Variants in DLC1 observed in about 807,000 individuals in gnomAD.
DLC1 encodes the protein DLC1 Rho GTPase activating protein.
In DLC1, 54 loss-of-function variants were observed where a neutral mutation model predicts 140.3. The ratio of observed to expected loss-of-function variants is 0.38; its 90% CI spans 0.31 to 0.48. DLC1 has a LOEUF of 0.48. Ranked by LOEUF, DLC1 falls within the 20% of genes least tolerant of loss-of-function variation. The pLI, the probability that DLC1 is intolerant of heterozygous loss-of-function variation, is 0.96. For missense variants in DLC1, 2,536 were observed against 1,907.0 expected, an observed-to-expected ratio of 1.33 and a Z score of -6.14; for synonymous variants, 986 against 728.1, an observed-to-expected ratio of 1.35 and a Z score of -5.70.
At chr8:13,306,515 G>A (rs1003426000) in intron 4 of DLC1, among the ~76,000 whole-genome samples, 1 of 151,696 alleles carries the variant, frequency 6.6e-6, no homozygotes, top group African/African-American at 2.4e-5. Context: ...CAGAGTTGAA[G>A]TAAGAAAAGC....
chr8:13,221,724 G>A (rs2697748), intron 5 of DLC1, among the ~76,000 whole-genome samples: 51,502 of 131,740 alleles, frequency 0.39, 10,442 homozygotes, highest in East Asian at 0.8. Flanking sequence ...GTGTGTGTGT[G>A]TGTATATATA....
intron 5 of DLC1, among the ~76,000 whole-genome samples, chr8:13,173,371 T>TCC (rs1405646091): frequency 9.0e-6 from 1 of 110,776 alleles, no homozygotes; most frequent in Admixed American, 8.3e-5. Context: ...CTGCCCTCTT[T>TCC]TTTTTTTTTT....
intron 5 of DLC1, among the ~76,000 whole-genome samples, chr8:13,207,527 T>G (rs543871813): frequency 2.6e-5 from 4 of 152,206 alleles, no homozygotes; most frequent in Non-Finnish European, 4.4e-5. Flanking sequence ...TAAAAGTTAT[T>G]CATTATAACA....
chr8:13,305,359 C>T, intron 4 of DLC1, 57 bp from the exon 5 acceptor site: 1 of 1,501,012 alleles, frequency 6.7e-7, no homozygotes, highest in Non-Finnish European at 9.0e-7. Context: ...CAGAAAGCAT[C>T]ATTAGAAATA....
chr8:13,416,901 A>G (rs1006516123), intron 2 of DLC1, among the ~76,000 whole-genome samples: 2 of 151,954 alleles, frequency 1.3e-5, no homozygotes, highest in African/African-American at 2.4e-5. Flanking sequence ...TTTTTTCACT[A>G]CCTCTATCCC....
intron 5 of DLC1, among the ~76,000 whole-genome samples, chr8:13,203,623 G>C (rs1236669893): frequency 1.3e-5 from 2 of 152,198 alleles, no homozygotes; most frequent in Non-Finnish European, 2.9e-5. Context: ...CTCTCTTCTT[G>C]TCAGTTTTCT....
At chr8:13,223,776 T>G (rs1340867255) in intron 5 of DLC1, among the ~76,000 whole-genome samples, 2 of 152,214 alleles carry the variant, frequency 1.3e-5, no homozygotes, top group African/African-American at 4.8e-5. Flanking sequence ...ACAATTTATT[T>G]TAGCTTTAAA....
intron 4 of DLC1, among the ~76,000 whole-genome samples, chr8:13,348,921 A>T (rs1477521543): frequency 1.3e-5 from 2 of 152,266 alleles, no homozygotes; most frequent in South Asian, 2.1e-4. Flanking sequence ...ATATTCTTTG[A>T]GCTGGAAAAC....
intron 2 of DLC1, among the ~76,000 whole-genome samples, chr8:13,459,547 C>T (rs1184007485): frequency 6.6e-6 from 1 of 152,134 alleles, no homozygotes; most frequent in Non-Finnish European, 1.5e-5. Context: ...TCTCTCTGTT[C>T]ATTGGAACTG....
chr8:13,362,505 C>A (rs775644132), intron 4 of DLC1, among the ~76,000 whole-genome samples: 16 of 151,950 alleles, frequency 1.1e-4, no homozygotes, highest in Non-Finnish European at 1.6e-4. Context: ...GTCGGTTAAC[C>A]TTTCCTGCCT....
chr8:13,203,108 C>T (rs1827485529), intron 5 of DLC1, among the ~76,000 whole-genome samples: 1 of 152,188 alleles, frequency 6.6e-6, no homozygotes, highest in Non-Finnish European at 1.5e-5. Flanking sequence ...TAACCTTGCA[C>T]ACTTTACCTA....
At chr8:13,285,927 A>T (rs558355929) in intron 5 of DLC1, among the ~76,000 whole-genome samples, 1 of 152,306 alleles carries the variant, frequency 6.6e-6, no homozygotes, top group South Asian at 2.1e-4. Context: ...TGAATGTGGG[A>T]TGAGATTAAC....
upstream of DLC1, among the ~76,000 whole-genome samples, chr8:13,516,444 A>G (rs1417830785): frequency 6.6e-6 from 1 of 152,206 alleles, no homozygotes; most frequent in Non-Finnish European, 1.5e-5. Context: ...TGGGTAGGTG[A>G]TAACTCAAAG....
intron 5 of DLC1, among the ~76,000 whole-genome samples, chr8:13,283,626 C>T (rs554300269): frequency 6.6e-6 from 1 of 152,302 alleles, no homozygotes; most frequent in East Asian, 1.9e-4. Flanking sequence ...GCAATCCTCT[C>T]ACTGCAGCCT....
rs188495841 is a variant in DLC1 at position 13,541,362 on chromosome 8, G to A, written c.-125-41166C>T. Among the ~76,000 whole-genome samples, 17 of 152,096 alleles carry A rather than the reference G, an allele frequency of 1.1e-4. 1 individual carries two copies. Among genetic ancestry groups the A allele is most frequent in the East Asian group, 3.9e-4 (2 of 5,176 alleles). On this transcript the variant is annotated intron_variant, in intron 1 of 1. Coordinates refer to the DLC1 transcript ENST00000631382. ...ATATGATAAGTGCATATTTAATTACGTAAGACACTGCCAAACTGTTCCAAT... is the reference window on the plus strand; with the variant it reads ...ATATGATAAGTGCATATTTAATTACATAAGACACTGCCAAACTGTTCCAAT...
At chr8:13,342,021 T>C (rs1054816190) in intron 4 of DLC1, 1 of 152,234 alleles carries the variant, frequency 6.6e-6, no homozygotes, top group African/African-American at 2.4e-5. Context: ...ATGCATCAGA[T>C]CGAGAGGATA....
intron 4 of DLC1, among the ~76,000 whole-genome samples, chr8:13,352,457 C>G (rs899793577): frequency 3.9e-5 from 6 of 152,188 alleles, no homozygotes; most frequent in Non-Finnish European, 7.3e-5. Context: ...TCACAGCTTA[C>G]TGTAGCCTTG....
rs1349205913 is a variant in DLC1 at position 13,083,560 on chromosome 8, A to C, written c.*2251T>G. 6.6e-6 allele frequency: 1 copy of C among 152,506 alleles called. No individual in the cohort carries two copies. The highest frequency in any genetic ancestry group is 2.4e-5 in the African/African-American group (1 of 41,440). 9.4% of individuals were successfully genotyped at this position (152,506 alleles called of 1,614,324 possible). A position where few individuals can be genotyped will look rare whatever the true frequency, so the allele number is the denominator to read the frequency against. On this transcript the variant is annotated 3_prime_UTR_variant, in exon 18 of 18. Transcript: ENST00000276297. ...TTCTTGAAAATGTTCATATCCTTCA[A>C]ATTCTTCTCTTGTCAAATTAAACAG...
intron 1 of DLC1, among the ~76,000 whole-genome samples, chr8:13,575,069 T>G (rs1334127282): frequency 2.0e-5 from 3 of 152,224 alleles, no homozygotes; most frequent in African/African-American, 7.2e-5. Flanking sequence ...ATTTCTGTTC[T>G]TAGTTGATAA....
Sources: allele counts gnomAD v4.1 joint callset (sites outside exome capture counted in the v4.1 genomes callset), GRCh38; gene constraint gnomAD v4.1.1; transcripts MANE v1.5; gene names NCBI Gene and HGNC (gene_info 2026-07-23, HGNC 2026-07-21).